SUMF1: variants seen among roughly 807,000 people sequenced by gnomAD.
SUMF1 encodes the protein formylglycine-generating enzyme.
A neutral mutation model predicts 47.6 loss-of-function variants in SUMF1; 48 were observed. The observed-to-expected ratio is 1.01, with a 90% CI of 0.80 to 1.28. The LOEUF is 1.28. Ranked by LOEUF, SUMF1 falls within the 50% of genes most tolerant of loss-of-function variation. SUMF1 has a pLI of 0.00. For missense variants in SUMF1, 571 were observed against 485.4 expected, an observed-to-expected ratio of 1.18 and a Z score of -1.66; for synonymous variants, 230 against 192.1, an observed-to-expected ratio of 1.20 and a Z score of -1.63.
chr3:4,271,519 A>G (rs1843302), intron 8 of SUMF1, among the ~76,000 whole-genome samples: 10,967 of 83,342 alleles, frequency 0.13, 452 homozygotes, highest in Non-Finnish European at 0.17. Flanking sequence ...AGATAGATAG[A>G]TACAGAGAGG....
intron 8 of SUMF1, among the ~76,000 whole-genome samples, chr3:4,212,536 G>C (rs1213843236): frequency 6.6e-6 from 1 of 152,068 alleles, no homozygotes; most frequent in African/African-American, 2.4e-5. Context: ...GCCAACAAGG[G>C]AGCAAAAATG....
chr3:4,191,270 G>C (rs543971681), intron 8 of SUMF1, among the ~76,000 whole-genome samples: 1 of 152,212 alleles, frequency 6.6e-6, no homozygotes, highest in African/African-American at 2.4e-5. Flanking sequence ...GGGTTGGAGA[G>C]AGGGCAAATA....
At chr3:4,059,809 A>C (rs951471711) in intron 9 of SUMF1, among the ~76,000 whole-genome samples, 12 of 152,054 alleles carry the variant, frequency 7.9e-5, no homozygotes, top group East Asian at 5.8e-4. Context: ...AAAAAAAAAA[A>C]AAACCTTGAG....
intron 8 of SUMF1, among the ~76,000 whole-genome samples, chr3:4,250,737 T>C (rs1575019491): frequency 6.6e-6 from 1 of 152,196 alleles, no homozygotes; most frequent in East Asian, 1.9e-4. Context: ...AATTCTAATC[T>C]GCTTAAATGG....
At chr3:4,398,000 C>T (rs1055079435) in intron 7 of SUMF1, among the ~76,000 whole-genome samples, 2 of 152,096 alleles carry the variant, frequency 1.3e-5, no homozygotes, top group Admixed American at 6.6e-5. Flanking sequence ...ATTACTATTT[C>T]CTCACTTACA....
intron 9 of SUMF1, among the ~76,000 whole-genome samples, chr3:4,038,977 T>C (rs535924483): frequency 9.2e-5 from 14 of 152,256 alleles, no homozygotes; most frequent in African/African-American, 3.4e-4. Context: ...AACTTAACCA[T>C]TTATAAACAA....
chr3:4,082,783 A>G (rs1429962261), intron 8 of SUMF1, among the ~76,000 whole-genome samples: 1 of 152,130 alleles, frequency 6.6e-6, no homozygotes, highest in Non-Finnish European at 1.5e-5. Context: ...GAGATTAGAG[A>G]GAGAATGGGT....
chr3:4,376,952 T>C (rs533086831), intron 7 of SUMF1, among the ~76,000 whole-genome samples: 4 of 152,032 alleles, frequency 2.6e-5, no homozygotes, highest in Non-Finnish European at 5.9e-5. Context: ...TGAACCACCA[T>C]GCCCAGCTAA....
chr3:4,440,264 A>AG (rs57937583), intron 3 of SUMF1, among the ~76,000 whole-genome samples: 1 of 28,376 alleles, frequency 3.5e-5, no homozygotes, highest in Non-Finnish European at 8.9e-5. Context: ...AAAAAAAAAA[A>AG]GATACTGAGC....
At chr3:4,286,492 A>G (rs1039422798) in intron 8 of SUMF1, among the ~76,000 whole-genome samples, 1 of 152,160 alleles carries the variant, frequency 6.6e-6, no homozygotes, top group Non-Finnish European at 1.5e-5. Context: ...ACTTATTTGA[A>G]GAAAGAATAT....
chr3:4,310,850 T>G (rs1406731222), intron 8 of SUMF1, among the ~76,000 whole-genome samples: 5 of 152,168 alleles, frequency 3.3e-5, no homozygotes, highest in Admixed American at 3.3e-4. Context: ...CAAATCAACT[T>G]AAAAGTTTAA....
intron 8 of SUMF1, among the ~76,000 whole-genome samples, chr3:4,083,683 A>G (rs1303523185): frequency 6.6e-6 from 1 of 152,144 alleles, no homozygotes; most frequent in Non-Finnish European, 1.5e-5. Flanking sequence ...AAAGCCTACA[A>G]AATATGTAAT....
rs1275780892 is a variant in SUMF1 at position 4,264,244 on chromosome 3, G to A, written c.1014+112086C>T. Among the ~76,000 whole-genome samples the A allele has an allele frequency of 2.6e-5, 4 of 152,300 alleles. No individual in the cohort carries two copies. In the East Asian group the frequency reaches 5.8e-4, roughly 22 times the overall value. ...GTTACGCTGAGTCAGCATCTTTCTA[G>A]AGACACTTCCCAGGCAGTTAGATAT... On this transcript the variant is annotated intron_variant and NMD_transcript_variant, in intron 8 of 12. Coordinates refer to the SUMF1 transcript ENST00000448413.
intron 8 of SUMF1, among the ~76,000 whole-genome samples, chr3:4,237,382 T>G (rs1209447556): frequency 6.6e-6 from 1 of 152,146 alleles, no homozygotes; most frequent in South Asian, 2.1e-4. Context: ...TGACATATGA[T>G]GTTGAACATA....
chr3:4,191,865 T>A (rs1695322766), intron 8 of SUMF1, among the ~76,000 whole-genome samples: 1 of 152,092 alleles, frequency 6.6e-6, no homozygotes, highest in Non-Finnish European at 1.5e-5. Context: ...TACAATACAG[T>A]GTGATAATTA....
At position 4,449,280 on chromosome 3, in the gene SUMF1, T is replaced by G. The variant is rs377536906; in HGVS notation, c.505A>C (p.Asn169His). Residue 169 changes from asparagine to histidine, a missense_variant, in exon 3 of 9, where the codon AAT (asparagine) becomes CAT (histidine). Transcript: ENST00000272902. ...EGMLSEQVKT[N>H]IQQAVAAAPW... is the part of the protein sequence containing the mutation. ...ACATTACTTACTGCCTGTTGAATATTGGTCTTCACTTGCTCACTCAACATG... is the reference window on the plus strand; with the variant it reads ...ACATTACTTACTGCCTGTTGAATATGGGTCTTCACTTGCTCACTCAACATG... 57 of 1,614,064 alleles carry G rather than the reference T, an allele frequency of 3.5e-5. No individual in the cohort carries two copies. The highest frequency in any genetic ancestry group is 4.6e-5 in the Non-Finnish European group (54 of 1,180,010).
At chr3:4,280,814 C>CGTGTGTGTGTGT (rs56919301) in intron 8 of SUMF1, among the ~76,000 whole-genome samples, 24 of 138,122 alleles carry the variant, frequency 1.7e-4, no homozygotes, top group Admixed American at 5.2e-4. Context: ...TGGCATTCAC[C>CGTGTGTGTGTGT]GTGTGTGTGT....
intron 8 of SUMF1, among the ~76,000 whole-genome samples, chr3:4,265,941 T>C (rs1433467131): frequency 6.6e-6 from 1 of 152,128 alleles, no homozygotes; most frequent in Admixed American, 6.5e-5. Context: ...TTCAGCTTTC[T>C]ACATATGGCT....
intron 8 of SUMF1, among the ~76,000 whole-genome samples, chr3:4,132,530 G>A (rs930774976): frequency 4.6e-5 from 7 of 152,062 alleles, no homozygotes; most frequent in African/African-American, 1.7e-4. Flanking sequence ...GGTATCAAGG[G>A]GTGAAAGTGG....
Sources: gnomAD v4.1 joint callset for allele counts (sites outside exome capture counted in the v4.1 genomes callset) on GRCh38, gnomAD v4.1.1 for gene constraint, MANE v1.5 for transcripts, NCBI Gene and HGNC (gene_info 2026-07-23, HGNC 2026-07-21) for gene names.